The following KRT38 variants were observed in gnomAD, a reference collection of about 807,000 sequenced individuals.
KRT38 encodes the protein keratin 38, also known as keratin, type I cuticular Ha8.
In KRT38, 45 loss-of-function variants were observed where a neutral mutation model predicts 43.1. The ratio of observed to expected loss-of-function variants is 1.04; its 90% CI spans 0.82 to 1.34. The LOEUF is 1.34. Among genes scored for constraint, KRT38 ranks in the 40% most tolerant of loss-of-function variants. The pLI is 0.00. For missense variants in KRT38, 627 were observed against 586.2 expected (o/e 1.07, Z -0.72); for synonymous variants, 258 against 244.0 (o/e 1.06, Z -0.53).
Position 41,440,783 on chromosome 17 carries a change from C to T in KRT38, c.139G>A (p.Ala47Thr), listed in dbSNP as rs201145442. Residue 47 changes from alanine (A) to threonine (T), a missense_variant, in exon 1 of 7, where the codon GCC becomes ACC. Ala to Thr is a moderately conservative substitution (Grantham distance 58). Coordinates refer to ENST00000246646, the MANE Select transcript of KRT38 (RefSeq NM_006771.4). ...ACTCGGTTGGCATGTGCCACGTTGG[C>T]CAAAAGGCACATGGGGGCAATGTTG... The part of the protein sequence containing the change: ...EANIAPMCLL[A>T]NVAHANRVRV... 1 of 1,612,976 alleles carries T rather than the reference C, an allele frequency of 6.2e-7. No individual in the cohort carries two copies. Among genetic ancestry groups the T allele is most frequent in the Non-Finnish European group, 8.5e-7 (1 of 1,179,318 alleles).
rs2018728790 is a variant in KRT38 at position 41,436,630 on chromosome 17, G to T, written c.*782C>A. 1 of 152,224 alleles carries T rather than the reference G, an allele frequency of 6.6e-6. No individual in the cohort carries two copies. Among genetic ancestry groups the T allele is most frequent in the South Asian group, 2.1e-4 (1 of 4,832 alleles). 9.4% of individuals were successfully genotyped at this position (152,224 alleles called of 1,614,324 possible). A position where few individuals can be genotyped will look rare whatever the true frequency, so the allele number is the denominator to read the frequency against. On this transcript the variant is annotated 3_prime_UTR_variant, in exon 7 of 7. Coordinates refer to ENST00000246646, the MANE Select transcript of KRT38 (RefSeq NM_006771.4). Reference sequence around the variant, plus strand: ...TAGAAAAAAATGAAGTCATTGTTTAGATTTTAGACTGGGAGAATTAGACAG... The same window carrying T: ...TAGAAAAAAATGAAGTCATTGTTTATATTTTAGACTGGGAGAATTAGACAG...
chr17:41,440,085 C>G, intron 2 of KRT38, 76 bp downstream of exon 2: 1 of 1,159,392 alleles, frequency 8.6e-7, no homozygotes, highest in African/African-American at 1.5e-5. Flanking sequence ...CAATGATTCC[C>G]TCACTCAACA....
rs188750560 is a variant in KRT38, at chr17:41,438,204, C to T, written c.1130G>A (p.Arg377Gln). 4 of 1,614,140 alleles carry T rather than the reference C, an allele frequency of 2.5e-6. No individual in the cohort carries two copies. Among genetic ancestry groups the T allele is most frequent in the Non-Finnish European group, 2.5e-6 (3 of 1,180,018 alleles). ...CTGGTTTTGCCGCTCCAGGTCGGCCCGGATCTCAGACAGCTGCTCCTCCAC... is the reference window on the plus strand; with the variant it reads ...CTGGTTTTGCCGCTCCAGGTCGGCCTGGATCTCAGACAGCTGCTCCTCCAC... ...SNVEEQLSEI[R>Q]ADLERQNQEY... Residue 377 changes from arginine (R) to glutamine (Q), a missense_variant, in exon 6 of 7, where the codon CGG becomes CAG. Physicochemically the swap from Arg to Gln is conservative, Grantham distance 43 (BLOSUM62 1). Coordinates refer to ENST00000246646, the MANE Select transcript of KRT38 (RefSeq NM_006771.4).
chr17:41,438,620 G>C lies in KRT38; in HGVS notation c.895-4C>G, dbSNP rs375257209. ...CCTGCAGGCTGATGCCTTCAGACTG[G>C]AGCACAGAGAGACACGGTCACCTCC... On this transcript the variant is annotated splice_region_variant and splice_polypyrimidine_tract_variant and intron_variant, in intron 4 of 6. Coordinates refer to ENST00000246646, the MANE Select transcript of KRT38 (RefSeq NM_006771.4). 226 of 1,613,940 alleles carry C rather than the reference G, an allele frequency of 1.4e-4. No individual in the cohort carries two copies. Among genetic ancestry groups the C allele is most frequent in the Non-Finnish European group, 1.8e-4 (215 of 1,179,996 alleles).
At chr17:41,439,979 T>C (rs889314973) in intron 2 of KRT38, among the ~76,000 whole-genome samples, 182 bp downstream of exon 2, 1 of 152,218 alleles carries the variant, frequency 6.6e-6, no homozygotes, top group Non-Finnish European at 1.5e-5. Context: ...GACAAACATA[T>C]ATGCTTGGAT....
intron 1 of KRT38, 81 bp from the exon 2 acceptor site, chr17:41,440,324 T>G: frequency 6.2e-7 from 1 of 1,600,578 alleles, no homozygotes; most frequent in Non-Finnish European, 8.5e-7. Flanking sequence ...TATGATCATG[T>G]CCAAGAGAAA....
intron 6 of KRT38, among the ~76,000 whole-genome samples, chr17:41,437,763 C>G (rs984821454): frequency 1.3e-5 from 2 of 152,136 alleles, no homozygotes; most frequent in South Asian, 4.1e-4. Flanking sequence ...ATAAAAATTC[C>G]TAGGAAGAAT....
chr17:41,438,904 CT>C, intron 3 of KRT38, 46 bp from the exon 4 acceptor site: 1 of 1,602,826 alleles, frequency 6.2e-7, no homozygotes, highest in Admixed American at 1.7e-5. Context: ...AGGAAAGGGC[CT>C]TTGATGGAGC....
At position 41,438,904 on chromosome 17, in the gene KRT38, C is replaced by T. The variant is rs769505194; in HGVS notation, c.733-46G>A. ...CAGACAGCCTGCATGAGGAAAGGGC[C>T]TTTGATGGAGCAGACAGCACCAGGA... On this transcript the variant is annotated intron_variant, in intron 3 of 6. Coordinates refer to ENST00000246646, the MANE Select transcript of KRT38 (RefSeq NM_006771.4). The T allele has an allele frequency of 3.2e-5, 51 of 1,602,826 alleles. No individual in the cohort carries two copies. The East Asian group carries it at 9.4e-4, about 29-fold the overall frequency.
At chr17:41,440,404 C>T in intron 1 of KRT38, 26 bp downstream of exon 1, 1 of 1,607,754 alleles carries the variant, frequency 6.2e-7, no homozygotes, top group Non-Finnish European at 8.5e-7. Context: ...TCAGACCCAG[C>T]ACACCCAAGC....
At position 41,437,247 on chromosome 17, in the gene KRT38, AG is replaced by A. The variant is rs2018735522; in HGVS notation, c.*164del. ...GAGCTCACCTGGGAAAACCAAGAGC[AG>A]GAAAGGAAGGATTTCCATCAAGATT... On this transcript the variant is annotated 3_prime_UTR_variant, in exon 7 of 7. Transcript: ENST00000246646. 2 of 689,820 alleles carry A rather than the reference AG, an allele frequency of 2.9e-6. No individual in the cohort carries two copies. Among genetic ancestry groups the A allele is most frequent in the Admixed American group, 8.6e-5 (2 of 23,246 alleles). 42.7% of individuals were successfully genotyped at this position (689,820 alleles called of 1,614,324 possible).
rs746582925 is a variant in KRT38 at position 41,438,333 on chromosome 17, G to C, written c.1021-20C>G. 1.2e-6 allele frequency: 2 copies of C among 1,610,086 alleles called. No individual in the cohort carries two copies. Among genetic ancestry groups the C allele is most frequent in the Non-Finnish European group, 1.7e-6 (2 of 1,176,980 alleles). ...GTCCTTCTGTAGTGGGAAATAAGGGGATAAAATATACAAGGCCCCAAGGGA... is the reference window on the plus strand; with the variant it reads ...GTCCTTCTGTAGTGGGAAATAAGGGCATAAAATATACAAGGCCCCAAGGGA... On this transcript the variant is annotated intron_variant, in intron 5 of 6. Coordinates refer to ENST00000246646, the MANE Select transcript of KRT38 (RefSeq NM_006771.4).
In KRT38 at chr17:41,438,777, C is replaced by T. The variant is rs371810333; in HGVS notation, c.814G>A (p.Val272Met). The T allele has an allele frequency of 5.6e-6, 9 of 1,614,022 alleles. No homozygotes were observed. The highest frequency in any genetic ancestry group is 6.8e-6 in the Non-Finnish European group (8 of 1,180,010). Residue 272 changes from valine to methionine, a missense_variant, in exon 4 of 7, where the codon GTG becomes ATG. Val to Met is a conservative substitution (Grantham distance 21, BLOSUM62 1). Coordinates refer to ENST00000246646, the MANE Select transcript of KRT38 (RefSeq NM_006771.4). ...TACTGAGCCCGCATCTCCCCCAGCACCCTGTTCAGGTCAATGGTGGGCTCA... is the reference window on the plus strand; with the variant it reads ...TACTGAGCCCGCATCTCCCCCAGCATCCTGTTCAGGTCAATGGTGGGCTCA... ...DIEPTIDLNR[V>M]LGEMRAQYEA...
rs564129089 is a variant in KRT38, at chr17:41,440,927, T to A, written c.-6A>T. On this transcript the variant is annotated 5_prime_UTR_variant, in exon 1 of 7. Transcript: ENST00000246646. ...CTGCTGTAGGAAGAGGTCATGGTGT[T>A]GGGCTGAGGCTGCACAGGAGCTTCA... The A allele has an allele frequency of 7.2e-6, 11 of 1,525,890 alleles. No individual in the cohort carries two copies. The Admixed American group carries it at 8.6e-5, about 12-fold the overall frequency. The allele number at this position is 1,525,890 out of a possible 1,614,324, so 94.5% of individuals were successfully genotyped here.
Position 41,440,903 on chromosome 17 carries a change from T to C in KRT38, c.19A>G (p.Ser7Gly), listed in dbSNP as rs575311928. 22 of 1,541,434 alleles carry C rather than the reference T, an allele frequency of 1.4e-5. No homozygotes were observed. The East Asian group carries it at 5.0e-4, about 35-fold the overall frequency. The change falls in exon 1 of 7, where the codon AGC becomes GGC. Residue 7 changes from serine (S) to glycine (G), a missense_variant. By Grantham distance (56) the Ser-to-Gly change is moderately conservative. Transcript: ENST00000246646. Reference sequence around the variant, plus strand: ...GTGCAACCCAGAGGGCATGAGGAGCTGCTGTAGGAAGAGGTCATGGTGTTG... The same window carrying C: ...GTGCAACCCAGAGGGCATGAGGAGCCGCTGTAGGAAGAGGTCATGGTGTTG... The part of the protein sequence containing the change: MTSSYS[S>G]SSCPLGCTMA...
At chr17:41,437,627 A>C in intron 6 of KRT38, 86 bp from the exon 7 acceptor site, 1 of 1,387,774 alleles carries the variant, frequency 7.2e-7, no homozygotes, top group Non-Finnish European at 9.6e-7. Flanking sequence ...AGGAGTCCCC[A>C]CTGCAAAACA....
At position 41,438,842 on chromosome 17, in the gene KRT38, C is replaced by T; in HGVS notation, c.749G>A (p.Arg250Lys). 1 of 1,614,154 alleles carries T rather than the reference C, an allele frequency of 6.2e-7. No individual in the cohort carries two copies. Among genetic ancestry groups the T allele is most frequent in the South Asian group, 1.1e-5 (1 of 91,072 alleles). Residue 250 changes from arginine (R) to lysine (K), a missense_variant, in exon 4 of 7, where the codon AGG becomes AAG. Physicochemically the swap from Arg to Lys is conservative, Grantham distance 26. Transcript: ENST00000246646. ...CCGGAGCTTCTCCCCCAGCTGACTCCTCAGAATCTTTACTTCCTGCAGAAG... is the reference window on the plus strand; with the variant it reads ...CCGGAGCTTCTCCCCCAGCTGACTCTTCAGAATCTTTACTTCCTGCAGAAG... ...SNHEQEVKIL[R>K]SQLGEKLRIE... is the part of the protein sequence containing the mutation.
Position 41,438,246 on chromosome 17 carries a change from T to C in KRT38, c.1088A>G (p.Gln363Arg). Residue 363 changes from glutamine to arginine, a missense_variant, in exon 6 of 7, where the codon CAG (glutamine) becomes CGG (arginine). Coordinates refer to ENST00000246646, the MANE Select transcript of KRT38 (RefSeq NM_006771.4). Reference protein sequence around the residue: ...DRFGTELAQMQSLISNVEEQL... With the variant: ...DRFGTELAQMRSLISNVEEQL... ...CTCCTCCACGTTGCTGATGAGGCTCTGCATCTGGGCCAGCTCCGTGCCGAA... is the reference window on the plus strand; with the variant it reads ...CTCCTCCACGTTGCTGATGAGGCTCCGCATCTGGGCCAGCTCCGTGCCGAA... 6.2e-7 allele frequency: 1 copy of C among 1,614,190 alleles called. No homozygotes were observed. The highest frequency in any genetic ancestry group is 8.5e-7 in the Non-Finnish European group (1 of 1,180,030).
chr17:41,440,873 C>T lies in KRT38; in HGVS notation c.49G>A (p.Ala17Thr). 4 of 1,575,986 alleles carry T rather than the reference C, an allele frequency of 2.5e-6. No homozygotes were observed. Among genetic ancestry groups the T allele is most frequent in the Non-Finnish European group, 3.4e-6 (4 of 1,161,652 alleles). Residue 17 changes from alanine to threonine, a missense_variant, in exon 1 of 7, where the codon GCT becomes ACT. By Grantham distance (58) the Ala-to-Thr change is moderately conservative (BLOSUM62 0). Coordinates refer to ENST00000246646, the MANE Select transcript of KRT38 (RefSeq NM_006771.4). ...SSSCPLGCTMAPGARNVSVSP... is the reference protein window; with the variant it reads ...SSSCPLGCTMTPGARNVSVSP... ...ACAGAGACATTTCTTGCTCCAGGAG[C>T]CATGGTGCAACCCAGAGGGCATGAG...
Sources: allele counts gnomAD v4.1 joint callset (sites outside exome capture counted in the v4.1 genomes callset), GRCh38; gene constraint gnomAD v4.1.1; transcripts MANE v1.5; gene names NCBI Gene and HGNC (gene_info 2026-07-23, HGNC 2026-07-21).